PRKN: variants seen among roughly 807,000 people sequenced by gnomAD.
PRKN encodes E3 ubiquitin-protein ligase parkin.
In PRKN, 56 loss-of-function variants were observed where a neutral mutation model predicts 59.5. The ratio of observed to expected loss-of-function variants is 0.94; its 90% CI spans 0.76 to 1.18. The LOEUF (loss-of-function observed/expected upper bound fraction) is 1.18, where lower values mean the gene tolerates loss of function less well. Among genes scored for constraint, PRKN ranks in the 50% most tolerant of loss-of-function variants. PRKN has a pLI of 0.00. For synonymous variants in PRKN, 250 were observed against 222.1 expected (o/e 1.13, Z -1.12); for missense variants, 657 against 596.4 (o/e 1.10, Z -1.06).
At chr6:162,647,789 C>G (rs1378479446) in intron 1 of PRKN, among the ~76,000 whole-genome samples, 1 of 151,872 alleles carries the variant, frequency 6.6e-6, no homozygotes, top group African/African-American at 2.4e-5. Flanking sequence ...TCACAATTTT[C>G]CCTACTTTAT....
In PRKN at chr6:161,518,067, T is replaced by C. The variant is rs1266926005; in HGVS notation, c.1083+30787A>G. ...CTTCAAGCTGGAGGGAGATTTGGCT[T>C]CTATGAGGGCATGTGCGAGTCTAGC... On this transcript the variant is annotated intron_variant, in intron 9 of 11. Coordinates refer to ENST00000366898, the MANE Select transcript of PRKN (RefSeq NM_004562.3). This position sits in a 1 kb window ranked among gnomAD's most constrained non-coding sequence, Gnocchi z 5.0. Among the ~76,000 whole-genome samples the C allele has an allele frequency of 6.6e-6, 1 of 152,160 alleles. No homozygotes were observed. Among genetic ancestry groups the C allele is most frequent in the Non-Finnish European group, 1.5e-5 (1 of 68,026 alleles).
At chr6:162,522,255 C>G (rs1235380890) in intron 1 of PRKN, among the ~76,000 whole-genome samples, 1 of 152,232 alleles carries the variant, frequency 6.6e-6, no homozygotes, top group African/African-American at 2.4e-5. Context: ...TCCCAAGTAG[C>G]TGGGACTACA....
rs553820664 is a variant in PRKN, at chr6:161,940,668, T to C, written c.734+32634A>G. Reference sequence around the variant, plus strand: ...CTGATAAGAGAATAATCCAACTTAGTTCATGACCATAAGTTAATGATTATT... The same window carrying C: ...CTGATAAGAGAATAATCCAACTTAGCTCATGACCATAAGTTAATGATTATT... On this transcript the variant is annotated intron_variant, in intron 6 of 11. Coordinates refer to ENST00000366898, the MANE Select transcript of PRKN (RefSeq NM_004562.3). Among the ~76,000 whole-genome samples the C allele has an allele frequency of 3.3e-5, 5 of 152,328 alleles. No individual in the cohort carries two copies. In the East Asian group the frequency reaches 9.6e-4, roughly 29 times the overall value.
At position 162,243,835 on chromosome 6, in the gene PRKN, C is replaced by T. The variant is rs555290520; in HGVS notation, c.412+18690G>A. Among the ~76,000 whole-genome samples the T allele has an allele frequency of 2.0e-5, 3 of 152,158 alleles. 1 individual carries two copies. In the South Asian group the frequency reaches 6.2e-4, roughly 31 times the overall value. On this transcript the variant is annotated intron_variant, in intron 3 of 11. Coordinates refer to ENST00000366898, the MANE Select transcript of PRKN (RefSeq NM_004562.3). The stretch of plus-strand genomic sequence containing the variant: ...CCTTAGAGAAATGTTTTGTTTCCAT[C>T]TTTTCAAGAATTACTGTTTCCTTCC...
chr6:162,237,664 A>T (rs1048937142), intron 3 of PRKN, among the ~76,000 whole-genome samples: 4 of 152,178 alleles, frequency 2.6e-5, no homozygotes, highest in Admixed American at 2.6e-4. Context: ...TTAAGGAAGA[A>T]CATTTTAGCA....
At chr6:162,302,899 C>T (rs1782023375) in intron 2 of PRKN, among the ~76,000 whole-genome samples, 1 of 150,850 alleles carries the variant, frequency 6.6e-6, no homozygotes, top group Non-Finnish European at 1.5e-5. Context: ...TGCCCTTTTA[C>T]CAACCTCATT....
At chr6:162,016,145 A>AG (rs1172433853) in intron 5 of PRKN, among the ~76,000 whole-genome samples, 1 of 73,712 alleles carries the variant, frequency 1.4e-5, no homozygotes, top group African/African-American at 6.3e-5. Flanking sequence ...TCTTGTTTAA[A>AG]ATAATAATAA....
At chr6:162,524,807 C>T (rs1415923745) in intron 1 of PRKN, among the ~76,000 whole-genome samples, 1 of 152,136 alleles carries the variant, frequency 6.6e-6, no homozygotes, top group Non-Finnish European at 1.5e-5. Context: ...CTCTTTTAAG[C>T]AGACAGTATA....
intron 1 of PRKN, among the ~76,000 whole-genome samples, chr6:162,689,433 C>G (rs1777688781): frequency 6.6e-6 from 1 of 152,068 alleles, no homozygotes; most frequent in South Asian, 2.1e-4. Context: ...ATTCAGCCAT[C>G]TTTAGAATTA....
At chr6:161,706,429 C>T (rs950265327) in intron 7 of PRKN, among the ~76,000 whole-genome samples, 7 of 152,220 alleles carry the variant, frequency 4.6e-5, no homozygotes, top group Admixed American at 2.0e-4. Context: ...AAATGCATCT[C>T]GGACACACTG....
At chr6:162,020,719 T>C (rs79332422) in intron 5 of PRKN, among the ~76,000 whole-genome samples, 2,609 of 152,256 alleles carry the variant, frequency 0.017, 38 homozygotes, top group South Asian at 0.031. Context: ...TTCTCACATA[T>C]AGGACTAATA....
chr6:161,537,698 G>C (rs562095530), intron 9 of PRKN, among the ~76,000 whole-genome samples: 1 of 152,212 alleles, frequency 6.6e-6, no homozygotes, highest in East Asian at 1.9e-4. Context: ...TGATCCGCCC[G>C]CCTTAGCCTC....
At chr6:162,369,217 C>A (rs1785617247) in intron 2 of PRKN, among the ~76,000 whole-genome samples, 1 of 152,236 alleles carries the variant, frequency 6.6e-6, no homozygotes, top group East Asian at 1.9e-4. Flanking sequence ...GGAATAAGTT[C>A]TTTTGTTGCT....
chr6:161,717,467 C>T (rs573387106), intron 7 of PRKN, among the ~76,000 whole-genome samples: 3 of 152,280 alleles, frequency 2.0e-5, no homozygotes, highest in Admixed American at 6.5e-5. Context: ...GGGGGTCCTG[C>T]TTCAAGACAC....
Position 161,413,483 on chromosome 6 carries a change from C to A in PRKN, c.1084-26606G>T, listed in dbSNP as rs1206803211. On this transcript the variant is annotated intron_variant, in intron 9 of 11. Transcript: ENST00000366898. This position sits in a 1 kb window ranked among gnomAD's most constrained non-coding sequence, Gnocchi z 4.4. ...GGATCTGGCCAGCTGGGAATGGAAG[C>A]CAAGTGGGCATGCTGCAGTGAGAAC... is the stretch of plus-strand genomic sequence containing the variant. Among the ~76,000 whole-genome samples, 1 of 152,168 alleles carries A rather than the reference C, an allele frequency of 6.6e-6. No individual in the cohort carries two copies. The highest frequency in any genetic ancestry group is 6.5e-5 in the Admixed American group (1 of 15,280).
rs1319572339 is a variant in PRKN, at chr6:161,402,638, C to T, written c.1084-15761G>A. ...GAAAGAGCATATTCAATTCTGTACA[C>T]ATGAGAGTCCCACAGAATATGAGAC... On this transcript the variant is annotated intron_variant, in intron 9 of 11. Transcript: ENST00000366898. The surrounding 1 kb of genome is among the most constrained non-coding windows in gnomAD (Gnocchi z 4.5). Among the ~76,000 whole-genome samples the T allele has an allele frequency of 6.6e-6, 1 of 151,994 alleles. No individual in the cohort carries two copies. The highest frequency in any genetic ancestry group is 1.9e-4 in the East Asian group (1 of 5,178).
chr6:162,621,556 A>G (rs1782665505), intron 1 of PRKN, among the ~76,000 whole-genome samples: 1 of 152,222 alleles, frequency 6.6e-6, no homozygotes, highest in Admixed American at 6.5e-5. Context: ...ATCAGACACA[A>G]GCTAAATGAA....
Position 162,582,467 on chromosome 6 carries a change from G to A in PRKN, c.8-138994C>T, listed in dbSNP as rs1000274963. Among the ~76,000 whole-genome samples, 15 of 152,120 alleles carry A rather than the reference G, an allele frequency of 9.9e-5. No individual in the cohort carries two copies. In the East Asian group the frequency reaches 2.1e-3, roughly 21 times the overall value. On this transcript the variant is annotated intron_variant, in intron 1 of 11. Transcript: ENST00000366898. ...ATGGTGCCTGCATTTTTGTGTTCACGGAGTTATCCTGTCATATAGATAGCC... is the reference window on the plus strand; with the variant it reads ...ATGGTGCCTGCATTTTTGTGTTCACAGAGTTATCCTGTCATATAGATAGCC...
rs549043264 is a variant in PRKN, at chr6:161,712,959, C to G, written c.871+72813G>C. On this transcript the variant is annotated intron_variant, in intron 7 of 11. Coordinates refer to ENST00000366898, the MANE Select transcript of PRKN (RefSeq NM_004562.3). ...TTCAACTCGATTCTGATTCTACCTA[C>G]CTGGAAATAGCATCAGATCCCACAG... 2.0e-5 allele frequency among the ~76,000 whole-genome samples: 3 copies of G among 152,232 alleles called. No homozygotes were observed. The South Asian group carries it at 6.2e-4, about 32-fold the overall frequency.
Sources: gnomAD v4.1 joint callset for allele counts (sites outside exome capture counted in the v4.1 genomes callset) on GRCh38, gnomAD v4.1.1 for gene constraint, Gnocchi (gnomAD v3.1) non-coding constraint, MANE v1.5 for transcripts, NCBI Gene and HGNC (gene_info 2026-07-23, HGNC 2026-07-21) for gene names.